MAPKAP1: variants seen among roughly 807,000 people sequenced by gnomAD.
MAPKAP1 encodes the protein MAPK associated protein 1.
In MAPKAP1, 20 loss-of-function variants were observed where a neutral mutation model predicts 65.7. The observed-to-expected ratio is 0.30, with a 90% CI of 0.21 to 0.44. MAPKAP1 has a LOEUF of 0.44. MAPKAP1 is among the 20% of genes least tolerant of loss of function. The probability of loss-of-function intolerance (pLI) is 1.00; values close to 1 mark genes in which losing one functional copy is unlikely to be tolerated. For missense variants in MAPKAP1, 423 were observed against 648.0 expected (o/e 0.65, Z 3.77); for synonymous variants, 222 against 244.3 (o/e 0.91, Z 0.85).
chr9:125,706,191 A>G (rs760013440), intron 1 of MAPKAP1, among the ~76,000 whole-genome samples: 11 of 152,068 alleles, frequency 7.2e-5, no homozygotes, highest in Non-Finnish European at 1.6e-4. Flanking sequence ...CTTCTGCTCA[A>G]GTGGGTTTTA....
At chr9:125,592,257 A>G (rs1015650569) in intron 4 of MAPKAP1, among the ~76,000 whole-genome samples, 2 of 152,194 alleles carry the variant, frequency 1.3e-5, no homozygotes, top group Non-Finnish European at 2.9e-5. Context: ...GGGGCTAGTG[A>G]AGGCCTCTTA....
At chr9:125,662,216 T>C (rs934510433) in intron 3 of MAPKAP1, among the ~76,000 whole-genome samples, 6 of 152,112 alleles carry the variant, frequency 3.9e-5, no homozygotes, top group African/African-American at 1.2e-4. Flanking sequence ...ATCCCATCTC[T>C]ACAAAAAATG....
chr9:125,524,255 A>G (rs1172562781), intron 7 of MAPKAP1, among the ~76,000 whole-genome samples: 1 of 152,202 alleles, frequency 6.6e-6, no homozygotes, highest in Non-Finnish European at 1.5e-5. Context: ...CCACCAATTC[A>G]TAAGACCTTT....
chr9:125,617,246 G>T (rs145273748), intron 4 of MAPKAP1, among the ~76,000 whole-genome samples: 257 of 152,340 alleles, frequency 1.7e-3, no homozygotes, highest in African/African-American at 5.8e-3. Flanking sequence ...GATCGCTTAA[G>T]CCTTGGAATC....
At chr9:125,633,690 A>G (rs1833350633) in intron 4 of MAPKAP1, among the ~76,000 whole-genome samples, 1 of 152,196 alleles carries the variant, frequency 6.6e-6, no homozygotes, top group Admixed American at 6.5e-5. Flanking sequence ...TATTTCATCT[A>G]ATTCATATAG....
chr9:125,668,371 A>G (rs922062283), intron 3 of MAPKAP1, among the ~76,000 whole-genome samples: 2 of 152,264 alleles, frequency 1.3e-5, no homozygotes, highest in Non-Finnish European at 1.5e-5. Context: ...TAATGCATGT[A>G]AAGTACCTAG....
intron 8 of MAPKAP1, among the ~76,000 whole-genome samples, chr9:125,490,967 G>A (rs1854688469): frequency 6.6e-6 from 1 of 151,910 alleles, no homozygotes; most frequent in South Asian, 2.1e-4. Context: ...GTGAAACCTC[G>A]TCTCTATAAA....
At chr9:125,701,386 T>C (rs1835591924) in intron 1 of MAPKAP1, among the ~76,000 whole-genome samples, 1 of 152,300 alleles carries the variant, frequency 6.6e-6, no homozygotes, top group South Asian at 2.1e-4. Flanking sequence ...TCATTATTTA[T>C]CCAAAAAGGA....
At chr9:125,515,372 T>TTTTGGAA (rs1829430020) in intron 7 of MAPKAP1, among the ~76,000 whole-genome samples, 1 of 152,174 alleles carries the variant, frequency 6.6e-6, no homozygotes, top group Non-Finnish European at 1.5e-5. Context: ...CATTCCAACT[T>TTTTGGAA]TTATCTTTGC....
At chr9:125,511,302 T>G (rs555422630) in intron 7 of MAPKAP1, among the ~76,000 whole-genome samples, 1 of 152,298 alleles carries the variant, frequency 6.6e-6, no homozygotes, top group East Asian at 1.9e-4. Flanking sequence ...AGGTCTTTTA[T>G]GTACAGATCA....
At chr9:125,458,326 C>A (rs1230615601) in intron 10 of MAPKAP1, among the ~76,000 whole-genome samples, 1 of 149,232 alleles carries the variant, frequency 6.7e-6, no homozygotes, top group Non-Finnish European at 1.5e-5. Flanking sequence ...AATAAGTGAA[C>A]AAAGGTCTCT....
chr9:125,655,207 C>T (rs1280470210), intron 4 of MAPKAP1, among the ~76,000 whole-genome samples: 1 of 151,866 alleles, frequency 6.6e-6, no homozygotes, highest in Non-Finnish European at 1.5e-5. Flanking sequence ...ATCATTAAAA[C>T]AAGACACTCA....
intron 1 of MAPKAP1, among the ~76,000 whole-genome samples, chr9:125,698,715 C>T (rs1354351046): frequency 3.3e-5 from 5 of 152,028 alleles, no homozygotes; most frequent in East Asian, 1.9e-4. Flanking sequence ...AAAATGGGGA[C>T]GGGGATAACA....
Position 125,681,348 on chromosome 9 carries a change from CAG to C in MAPKAP1, c.-69-8707_-69-8706del, listed in dbSNP as rs377038097. The stretch of plus-strand genomic sequence containing the variant: ...CCACTTCTGAATTATGGGAAAAAGT[CAG>C]GGGTAAAAGACTATGGGGAGAAAGA... On this transcript the variant is annotated intron_variant, in intron 1 of 11. Transcript: ENST00000265960. 1.3e-3 allele frequency among the ~76,000 whole-genome samples: 194 copies of C among 152,290 alleles called. 1 individual carries two copies. The highest frequency in any genetic ancestry group is 4.5e-3 in the African/African-American group (187 of 41,564).
At chr9:125,639,933 G>C (rs1047811406) in intron 4 of MAPKAP1, among the ~76,000 whole-genome samples, 1 of 152,082 alleles carries the variant, frequency 6.6e-6, no homozygotes, top group African/African-American at 2.4e-5. Context: ...AGGCGCATGG[G>C]GGCAGAATCC....
At chr9:125,451,679 C>G (rs978224201) in intron 10 of MAPKAP1, among the ~76,000 whole-genome samples, 1 of 152,118 alleles carries the variant, frequency 6.6e-6, no homozygotes, top group African/African-American at 2.4e-5. Context: ...CTAGTTTTCA[C>G]GTTTATCTTC....
intron 1 of MAPKAP1, among the ~76,000 whole-genome samples, chr9:125,690,780 GAAC>G (rs1407226711): frequency 6.6e-6 from 1 of 152,156 alleles, no homozygotes; most frequent in Non-Finnish European, 1.5e-5. Context: ...AGAAACAGCA[GAAC>G]AACATGTATT....
intron 1 of MAPKAP1, among the ~76,000 whole-genome samples, chr9:125,686,303 C>T (rs927024608): frequency 7.2e-6 from 1 of 138,490 alleles, no homozygotes; most frequent in African/African-American, 2.8e-5. Context: ...AAGAATGAGA[C>T]TCTGTCTCAA....
At chr9:125,575,123 A>C (rs1273645325) in intron 5 of MAPKAP1, among the ~76,000 whole-genome samples, 2 of 152,254 alleles carry the variant, frequency 1.3e-5, no homozygotes, top group African/African-American at 4.8e-5. Flanking sequence ...AGACTGAGGC[A>C]GGATGATTGC....
Sources: allele counts gnomAD v4.1 joint callset (sites outside exome capture counted in the v4.1 genomes callset), GRCh38; gene constraint gnomAD v4.1.1; transcripts MANE v1.5; gene names NCBI Gene and HGNC (gene_info 2026-07-23, HGNC 2026-07-21).